Variants in KYNU observed in about 807,000 individuals in gnomAD.
The protein encoded by KYNU is kynureninase.
Under a neutral mutation model 59.2 loss-of-function variants are expected in KYNU, and 54 were observed. The ratio of observed to expected loss-of-function variants is 0.91; its 90% CI spans 0.73 to 1.14. The LOEUF is 1.14. Ranked by LOEUF, KYNU falls within the 50% of genes most tolerant of loss-of-function variation. The probability of loss-of-function intolerance (pLI) is 0.00; values close to 1 mark genes in which losing one functional copy is unlikely to be tolerated. For missense variants in KYNU, 567 were observed against 554.4 expected, an observed-to-expected ratio of 1.02 and a Z score of -0.23; for synonymous variants, 177 against 192.0, an observed-to-expected ratio of 0.92 and a Z score of 0.65.
At chr2:142,983,236 T>C (rs1685100863) in intron 8 of KYNU, among the ~76,000 whole-genome samples, 1 of 152,066 alleles carries the variant, frequency 6.6e-6, no homozygotes, top group Non-Finnish European at 1.5e-5. Flanking sequence ...TCCACATTTC[T>C]TTTATCTTCC....
rs141101689 is a variant in KYNU at position 142,954,241 on chromosome 2, CTATAT to C, written c.374-565_374-561del. ...TATTTTCTCATCAGACAATACACGT[CTATAT>C]TATCTTTTATCTCAGTGTGTATGAA... On this transcript the variant is annotated intron_variant, in intron 4 of 13. Coordinates refer to ENST00000264170, the MANE Select transcript of KYNU (RefSeq NM_003937.3). Among the ~76,000 whole-genome samples, 7 of 152,072 alleles carry C rather than the reference CTATAT, an allele frequency of 4.6e-5. No homozygotes were observed. In the East Asian group the frequency reaches 1.4e-3, roughly 29 times the overall value.
chr2:142,943,136 G>A (rs970891430), intron 4 of KYNU, among the ~76,000 whole-genome samples: 2 of 152,142 alleles, frequency 1.3e-5, no homozygotes, highest in African/African-American at 4.8e-5. Context: ...TATTATTTTA[G>A]AGAGACAGTT....
chr2:142,975,917 T>C (rs1684866942), intron 8 of KYNU, among the ~76,000 whole-genome samples: 1 of 152,222 alleles, frequency 6.6e-6, no homozygotes, highest in African/African-American at 2.4e-5. Context: ...TGTGCACACT[T>C]TTCTCATGAT....
At chr2:142,892,115 T>C (rs1681737050) in intron 2 of KYNU, among the ~76,000 whole-genome samples, 1 of 152,210 alleles carries the variant, frequency 6.6e-6, no homozygotes, top group Non-Finnish European at 1.5e-5. Flanking sequence ...GGTTTCACCA[T>C]GTTGCCCATG....
intron 10 of KYNU, among the ~76,000 whole-genome samples, chr2:143,000,870 A>C (rs1558968523): frequency 6.6e-6 from 1 of 152,030 alleles, no homozygotes; most frequent in Non-Finnish European, 1.5e-5. Context: ...GACAAGAATG[A>C]CCCAATTTGT....
intron 10 of KYNU, among the ~76,000 whole-genome samples, chr2:143,028,518 A>C (rs1417036379): frequency 6.8e-6 from 1 of 147,664 alleles, no homozygotes; most frequent in Admixed American, 6.7e-5. Flanking sequence ...CTGGGATTAC[A>C]GGTGTGAGCC....
intron 4 of KYNU, chr2:142,947,091 T>C (rs755355459): frequency 5.2e-6 from 8 of 1,551,036 alleles, no homozygotes; most frequent in Non-Finnish European, 7.0e-6. Context: ...CAATATGTCC[T>C]TTTGTTGCTT....
chr2:143,028,689 T>C (rs1393118818), intron 10 of KYNU, among the ~76,000 whole-genome samples: 2 of 151,552 alleles, frequency 1.3e-5, no homozygotes, highest in African/African-American at 2.4e-5. Flanking sequence ...CTACTAAAAA[T>C]ACAAAAAAGT....
intron 10 of KYNU, among the ~76,000 whole-genome samples, chr2:142,989,115 T>C (rs1685315597): frequency 6.6e-6 from 1 of 151,912 alleles, no homozygotes; most frequent in Non-Finnish European, 1.5e-5. Flanking sequence ...ACGACAATGT[T>C]CCATACATAA....
chr2:142,989,381 T>G (rs10496937), intron 10 of KYNU: 19,415 of 994,426 alleles, frequency 0.02, 197 homozygotes, highest in Non-Finnish European at 0.022. Flanking sequence ...TGTTAAAGTG[T>G]CCAGTATGTA....
In KYNU at chr2:143,051,416, A is replaced by AT. The variant is rs1200051271; in HGVS notation, c.*9250dup. The AT allele has an allele frequency of 3.3e-5, 5 of 152,044 alleles. No homozygotes were observed. The highest frequency in any genetic ancestry group is 1.9e-4 in the East Asian group (1 of 5,190). 9.4% of individuals were successfully genotyped at this position (152,044 alleles called of 1,614,324 possible). A position where few individuals can be genotyped will look rare whatever the true frequency, so the allele number is the denominator to read the frequency against. On this transcript the variant is annotated 3_prime_UTR_variant, in exon 14 of 14. Transcript: ENST00000264170. ...TAATTGAGCTGATCATGTTTCTAGGATTTTTTAGTTAAAAGAAAATACATA... is the reference window on the plus strand; with the variant it reads ...TAATTGAGCTGATCATGTTTCTAGGATTTTTTTAGTTAAAAGAAAATACATA...
At chr2:142,892,998 G>A (rs1173804047) in intron 2 of KYNU, among the ~76,000 whole-genome samples, 1 of 152,034 alleles carries the variant, frequency 6.6e-6, no homozygotes, top group Non-Finnish European at 1.5e-5. Context: ...CTGGGCCAGT[G>A]TTTGGTCATG....
intron 10 of KYNU, among the ~76,000 whole-genome samples, chr2:143,012,254 G>A (rs1463389820): frequency 6.6e-6 from 1 of 152,018 alleles, no homozygotes; most frequent in Admixed American, 6.6e-5. Flanking sequence ...GGCCGAGGCG[G>A]GTGGATCACC....
chr2:143,005,228 C>T (rs906651862), intron 10 of KYNU, among the ~76,000 whole-genome samples: 2 of 152,116 alleles, frequency 1.3e-5, no homozygotes, highest in Admixed American at 6.5e-5. Flanking sequence ...ATCAATCCTT[C>T]CCCCAGGCAC....
chr2:143,006,240 C>A (rs1685885682), intron 10 of KYNU, among the ~76,000 whole-genome samples: 1 of 151,856 alleles, frequency 6.6e-6, no homozygotes, highest in Non-Finnish European at 1.5e-5. Flanking sequence ...ATTGCCTCAC[C>A]TGGGAAGCGC....
Position 142,985,072 on chromosome 2 carries a change from G to T in KYNU, c.730-12G>T. 6.7e-7 allele frequency: 1 copy of T among 1,495,134 alleles called. No homozygotes were observed. The highest frequency in any genetic ancestry group is 9.3e-7 in the Non-Finnish European group (1 of 1,072,102). 92.6% of individuals were successfully genotyped at this position (1,495,134 alleles called of 1,614,324 possible). ...AAGCAAACTTAAAGCTTATTATTGT[G>T]TTCTTCCCTAGGGTTGTTATGTTGG... On this transcript the variant is annotated splice_polypyrimidine_tract_variant and intron_variant, in intron 8 of 13. Coordinates refer to ENST00000264170, the MANE Select transcript of KYNU (RefSeq NM_003937.3).
intron 8 of KYNU, chr2:142,967,594 C>A (rs1190752605): frequency 1.3e-5 from 2 of 152,118 alleles, no homozygotes; most frequent in African/African-American, 4.8e-5. Context: ...TTAATAAAAT[C>A]ATTTAGTAAA....
At chr2:142,892,655 G>C (rs1681752064) in intron 2 of KYNU, among the ~76,000 whole-genome samples, 1 of 152,106 alleles carries the variant, frequency 6.6e-6, no homozygotes, top group Non-Finnish European at 1.5e-5. Flanking sequence ...GTAAATACAT[G>C]AAATACTCAT....
At chr2:142,977,143 T>G (rs1367388655) in intron 8 of KYNU, among the ~76,000 whole-genome samples, 1 of 152,052 alleles carries the variant, frequency 6.6e-6, no homozygotes, top group African/African-American at 2.4e-5. Flanking sequence ...CCCTCTTCCA[T>G]CATGGCTTGA....
Sources: gnomAD v4.1 joint callset for allele counts (sites outside exome capture counted in the v4.1 genomes callset) on GRCh38, gnomAD v4.1.1 for gene constraint, MANE v1.5 for transcripts, NCBI Gene and HGNC (gene_info 2026-07-23, HGNC 2026-07-21) for gene names.